Variants in UNC13C observed in about 807,000 individuals in gnomAD.
The protein encoded by UNC13C is unc-13 homolog C.
UNC13C carries 174 observed loss-of-function variants against 245.4 expected under a neutral mutation model. The observed-to-expected ratio is 0.71, with a 90% CI of 0.63 to 0.80. The LOEUF is 0.80. Among genes scored for constraint, UNC13C ranks in the 30% least tolerant of loss-of-function variants. The pLI is 0.00. For synonymous variants in UNC13C, 992 were observed against 895.1 expected, an observed-to-expected ratio of 1.11 and a Z score of -1.93; for missense variants, 2,829 against 2,602.9, an observed-to-expected ratio of 1.09 and a Z score of -1.89.
intron 2 of UNC13C, among the ~76,000 whole-genome samples, chr15:54,138,765 T>C (rs1380591696): frequency 6.6e-6 from 1 of 151,722 alleles, no homozygotes; most frequent in African/African-American, 2.4e-5. Context: ...TAGCCGAAAT[T>C]TATTCTGAGT....
chr15:54,162,237 A>T (rs902871429), intron 4 of UNC13C, among the ~76,000 whole-genome samples: 5 of 152,180 alleles, frequency 3.3e-5, no homozygotes, highest in African/African-American at 1.2e-4. Context: ...AAGTGACTAG[A>T]TATAATCCCC....
chr15:54,347,577 A>G (rs192289872), intron 17 of UNC13C, among the ~76,000 whole-genome samples: 1 of 152,218 alleles, frequency 6.6e-6, no homozygotes, highest in Admixed American at 6.5e-5. Flanking sequence ...AAAAACAGGA[A>G]CAAACGAAAG....
chr15:54,344,208 G>T (rs1290564457), intron 17 of UNC13C, among the ~76,000 whole-genome samples: 1 of 152,192 alleles, frequency 6.6e-6, no homozygotes, highest in Non-Finnish European at 1.5e-5. Flanking sequence ...GATTAATTAA[G>T]CTGCCAAAGT....
At chr15:54,033,714 C>G (rs116756843) in intron 2 of UNC13C, among the ~76,000 whole-genome samples, 1 of 152,038 alleles carries the variant, frequency 6.6e-6, no homozygotes, top group Admixed American at 6.6e-5. Flanking sequence ...ATATTATGTA[C>G]CTGGGTAATT....
At chr15:54,607,143 A>T (rs549339052) in intron 30 of UNC13C, among the ~76,000 whole-genome samples, 1 of 152,182 alleles carries the variant, frequency 6.6e-6, no homozygotes, top group South Asian at 2.1e-4. Flanking sequence ...ATCTAGTTCT[A>T]TGTCAAATCC....
intron 2 of UNC13C, among the ~76,000 whole-genome samples, chr15:54,097,794 G>A (rs1226012039): frequency 1.3e-5 from 2 of 152,142 alleles, no homozygotes; most frequent in South Asian, 2.1e-4. Context: ...ATGATTGATC[G>A]CTAAGAGGAA....
chr15:54,541,682 T>A (rs1340740290), intron 26 of UNC13C, among the ~76,000 whole-genome samples: 2 of 152,134 alleles, frequency 1.3e-5, no homozygotes, highest in Admixed American at 6.6e-5. Flanking sequence ...TTTTGAGTTG[T>A]AATATGGGTA....
intron 30 of UNC13C, among the ~76,000 whole-genome samples, chr15:54,574,399 T>G (rs1261826650): frequency 6.6e-6 from 1 of 152,162 alleles, no homozygotes; most frequent in African/African-American, 2.4e-5. Flanking sequence ...ATTACAATGT[T>G]ACTAAAAAAA....
At chr15:54,125,843 C>A (rs906097971) in intron 2 of UNC13C, among the ~76,000 whole-genome samples, 2 of 152,066 alleles carry the variant, frequency 1.3e-5, no homozygotes, top group African/African-American at 4.8e-5. Context: ...CTAATATTAG[C>A]ACAGATACTA....
chr15:53,868,535 T>C, the UNC13C span, among the ~76,000 whole-genome samples: 3 of 152,098 alleles, frequency 2.0e-5, no homozygotes, highest in Admixed American at 2.0e-4. Context: ...TGCAGTCTGC[T>C]CCCCACAGGG....
intron 7 of UNC13C, among the ~76,000 whole-genome samples, chr15:54,239,986 A>G (rs2035809083): frequency 6.6e-6 from 1 of 152,240 alleles, no homozygotes; most frequent in Admixed American, 6.5e-5. Context: ...TGAACTATGA[A>G]TACCAATTCA....
At chr15:54,085,383 A>C (rs913274813) in intron 2 of UNC13C, among the ~76,000 whole-genome samples, 1 of 152,168 alleles carries the variant, frequency 6.6e-6, no homozygotes, top group Non-Finnish European at 1.5e-5. Flanking sequence ...AAGGATCCCA[A>C]GTAATCCCTA....
At chr15:54,515,990 T>C (rs17818554) in intron 24 of UNC13C, among the ~76,000 whole-genome samples, 21,494 of 152,166 alleles carry the variant, frequency 0.14, 1,592 homozygotes, top group Middle Eastern at 0.19. Context: ...ATATGGATAT[T>C]GTAATGGTCA....
At chr15:53,958,128 G>C in the UNC13C span, among the ~76,000 whole-genome samples, 1 of 152,162 alleles carries the variant, frequency 6.6e-6, no homozygotes, top group Non-Finnish European at 1.5e-5. Context: ...TACTTAAAGA[G>C]AGCTGCAGAT....
intron 4 of UNC13C, among the ~76,000 whole-genome samples, chr15:54,146,759 A>T (rs1161989816): frequency 6.6e-6 from 1 of 152,240 alleles, no homozygotes; most frequent in Non-Finnish European, 1.5e-5. Flanking sequence ...CAGCAACTCA[A>T]TATGAAAAGT....
chr15:54,577,889 C>A (rs191645978), intron 30 of UNC13C, among the ~76,000 whole-genome samples: 476 of 152,272 alleles, frequency 3.1e-3, no homozygotes, highest in Admixed American at 5.4e-3. Flanking sequence ...GCAACTCCTT[C>A]ATATGGGTCA....
intron 4 of UNC13C, among the ~76,000 whole-genome samples, chr15:54,154,841 A>G (rs1262343342): frequency 1.3e-5 from 2 of 152,210 alleles, no homozygotes; most frequent in Admixed American, 1.3e-4. Context: ...CATTGGACAG[A>G]ACGTGGATCA....
chr15:54,176,143 G>C (rs2033605564), intron 4 of UNC13C, among the ~76,000 whole-genome samples: 1 of 152,024 alleles, frequency 6.6e-6, no homozygotes, highest in Non-Finnish European at 1.5e-5. Context: ...GAATCTGGAA[G>C]CACAGTGGGT....
chr15:54,217,287 A>C lies in UNC13C; in HGVS notation c.3072-17743A>C, dbSNP rs565386214. On this transcript the variant is annotated intron_variant, in intron 4 of 32. Transcript: ENST00000260323. ...GGGACTAGGATTGTGGATAAGGGCA[A>C]GGCAAGGAAGTAGCTCAACCAGGAT... Among the ~76,000 whole-genome samples, 446 of 152,098 alleles carry C rather than the reference A, an allele frequency of 2.9e-3. 5 individuals carry two copies. Among genetic ancestry groups the C allele is most frequent in the African/African-American group, 0.01 (428 of 41,526 alleles).
Sources: allele counts gnomAD v4.1 joint callset (sites outside exome capture counted in the v4.1 genomes callset), GRCh38; gene constraint gnomAD v4.1.1; transcripts MANE v1.5; gene names NCBI Gene and HGNC (gene_info 2026-07-23, HGNC 2026-07-21).